PGBD5: variants seen among roughly 807,000 people sequenced by gnomAD.
PGBD5 encodes the protein piggyBac transposable element derived 5.
Under a neutral mutation model 47.9 loss-of-function variants are expected in PGBD5, and 14 were observed. That is an observed-to-expected ratio of 0.29 (90% confidence interval 0.19 to 0.46). The LOEUF (loss-of-function observed/expected upper bound fraction) is 0.46. Among genes scored for constraint, PGBD5 ranks in the 20% least tolerant of loss-of-function variants. The probability of loss-of-function intolerance (pLI) is 1.00; values close to 1 mark genes in which losing one functional copy is unlikely to be tolerated. For missense variants in PGBD5, 635 were observed against 716.0 expected (o/e 0.89, Z 1.29); for synonymous variants, 316 against 306.3 (o/e 1.03, Z -0.33).
Position 230,426,222 on chromosome 1 carries a change from G to GCGCCGCCGCCGC in PGBD5, c.-306_-295dup, listed in dbSNP as rs1238385909. On this transcript the variant is annotated 5_prime_UTR_variant, in exon 1 of 7. Transcript: ENST00000391860. ...ACGCAGAGGCTGCGGCCGAGACCAG[G>GCGCCGCCGCCGC]CGCCGCCGCCGCCACCGCCGCCACC... 1 of 149,458 alleles carries GCGCCGCCGCCGC rather than the reference G, an allele frequency of 6.7e-6. No homozygotes were observed. Among genetic ancestry groups the GCGCCGCCGCCGC allele is most frequent in the Non-Finnish European group, 1.5e-5 (1 of 68,266 alleles). The allele number at this position is 149,458 out of a possible 1,614,324, so 9.3% of individuals were successfully genotyped here.
intron 1 of PGBD5, among the ~76,000 whole-genome samples, chr1:230,414,180 T>C (rs1657469114): frequency 6.6e-6 from 1 of 152,078 alleles, no homozygotes; most frequent in South Asian, 2.1e-4. Flanking sequence ...TATAATCCCA[T>C]CTGGTGCCTG....
At chr1:230,370,174 G>A (rs1571845121) in intron 1 of PGBD5, among the ~76,000 whole-genome samples, 1 of 152,206 alleles carries the variant, frequency 6.6e-6, no homozygotes, top group African/African-American at 2.4e-5. Context: ...TTCCCCTCCA[G>A]CCACTGCAGT....
At chr1:230,368,911 C>CACACAGTCTCAGGGAT (rs1667885424) in intron 1 of PGBD5, among the ~76,000 whole-genome samples, 1 of 152,260 alleles carries the variant, frequency 6.6e-6, no homozygotes, top group South Asian at 2.1e-4. Flanking sequence ...TGAGGTTCAA[C>CACACAGTCTCAGGGAT]ACACAGTCTC....
At chr1:230,345,725 C>T (rs1276147521) in intron 3 of PGBD5, among the ~76,000 whole-genome samples, 1 of 152,074 alleles carries the variant, frequency 6.6e-6, no homozygotes, top group Admixed American at 6.5e-5. Context: ...CTGCAGCTCC[C>T]AGTCAGCCAG....
chr1:230,426,061 G>T lies in PGBD5; in HGVS notation c.-133C>A. 3.1e-6 allele frequency: 1 copy of T among 326,088 alleles called. No individual in the cohort carries two copies. Among genetic ancestry groups the T allele is most frequent in the Non-Finnish European group, 4.3e-6 (1 of 232,516 alleles). The allele number at this position is 326,088 out of a possible 1,614,324, so 20.2% of individuals were successfully genotyped here. On this transcript the variant is annotated 5_prime_UTR_variant, in exon 1 of 7. Transcript: ENST00000391860. ...GCACAGCGCCCGCCGCCCCGTGCCC[G>T]GCCGGCCCGCCGTCTTGGCCGCCTC...
intron 1 of PGBD5, among the ~76,000 whole-genome samples, chr1:230,416,478 C>A (rs1303388858): frequency 6.6e-6 from 1 of 152,184 alleles, no homozygotes; most frequent in Admixed American, 6.5e-5. Flanking sequence ...CCAAGGTCTC[C>A]ACACATGATA....
chr1:230,391,832 C>A (rs1049111443), intron 1 of PGBD5, among the ~76,000 whole-genome samples: 1 of 152,176 alleles, frequency 6.6e-6, no homozygotes, highest in Non-Finnish European at 1.5e-5. Flanking sequence ...CACTGATCTT[C>A]GTTAAATTCA....
In PGBD5 at chr1:230,357,084, C is replaced by T; in HGVS notation, c.569G>A (p.Ser190Asn). 1.2e-6 allele frequency: 2 copies of T among 1,614,206 alleles called. No homozygotes were observed. The highest frequency in any genetic ancestry group is 1.7e-6 in the Non-Finnish European group (2 of 1,180,048). The part of the protein sequence containing the change: ...SHCESVLSIW[S>N]GGFYSNRSLA... Reference sequence around the variant, plus strand: ...GCTGCGGTTGCTGTAGAAGCCTCCGCTCCAGATGCTGAGGACGGACTCGCA... The same window carrying T: ...GCTGCGGTTGCTGTAGAAGCCTCCGTTCCAGATGCTGAGGACGGACTCGCA... The change falls in exon 2 of 7, where the codon AGC becomes AAC. Residue 190 changes from serine to asparagine, a missense_variant. Transcript: ENST00000391860. The surrounding 1 kb of genome is among the most constrained non-coding windows in gnomAD (Gnocchi z 5.7).
chr1:230,397,889 G>C (rs150367362), intron 1 of PGBD5, among the ~76,000 whole-genome samples: 20 of 152,300 alleles, frequency 1.3e-4, no homozygotes, highest in African/African-American at 4.3e-4. Context: ...GCTGGCTTTG[G>C]GGGTAGCGTC....
At chr1:230,423,898 C>G (rs981204640) in intron 1 of PGBD5, among the ~76,000 whole-genome samples, 1 of 152,160 alleles carries the variant, frequency 6.6e-6, no homozygotes, top group Non-Finnish European at 1.5e-5. Flanking sequence ...TCTTCATGAC[C>G]GTAAGTGCTG....
rs1657764595 is a variant in PGBD5 at position 230,425,765 on chromosome 1, G to A, written c.164C>T (p.Ser55Phe). Residue 55 changes from serine (S) to phenylalanine (F), a missense_variant, in exon 1 of 7, where the codon TCC becomes TTC. Ser to Phe is a radical substitution (Grantham distance 155, BLOSUM62 -2). Transcript: ENST00000391860. This position sits in a 1 kb window ranked among gnomAD's most constrained non-coding sequence, Gnocchi z 4.7. Reference protein sequence around the residue: ...FYSTSAASRSSSAASSDDERE... With the variant: ...FYSTSAASRSFSAASSDDERE... ...CTCGTCGTCCGAGGAGGCGGCCGAG[G>A]AGGAGCGCGAGGCGGCCGAGGTGCT... The A allele has an allele frequency of 5.0e-6, 6 of 1,207,444 alleles. No individual in the cohort carries two copies. Among genetic ancestry groups the A allele is most frequent in the Non-Finnish European group, 5.2e-6 (5 of 970,558 alleles). 74.8% of individuals were successfully genotyped at this position (1,207,444 alleles called of 1,614,324 possible).
chr1:230,337,359 G>T, intron 3 of PGBD5, 71 bp from the exon 4 acceptor site: 1 of 1,380,716 alleles, frequency 7.2e-7, no homozygotes, highest in Non-Finnish European at 9.7e-7. Context: ...TATTCAGCAA[G>T]CACAGATCTC....
intron 1 of PGBD5, chr1:230,377,705 T>C (rs1668035884): frequency 6.9e-7 from 1 of 1,441,164 alleles, no homozygotes; most frequent in African/African-American, 1.4e-5. Context: ...TGGCAAAGAT[T>C]AGAGTATCCA....
In PGBD5 at chr1:230,323,232, C is replaced by T. The variant is rs1303367996; in HGVS notation, c.*193G>A. On this transcript the variant is annotated 3_prime_UTR_variant, in exon 7 of 7. Coordinates refer to ENST00000391860, the MANE Select transcript of PGBD5 (RefSeq NM_001258311.2). The surrounding 1 kb of genome is among the most constrained non-coding windows in gnomAD (Gnocchi z 4.1). ...ACTGTTTCTCGAGGGAGGACATGCT[C>T]TTCTTGGAATGCAAATGAGGACAGC... 1.6e-5 allele frequency: 10 copies of T among 610,672 alleles called. No homozygotes were observed. Among genetic ancestry groups the T allele is most frequent in the South Asian group, 6.7e-5 (3 of 44,786 alleles). The allele number at this position is 610,672 out of a possible 1,614,324, so 37.8% of individuals were successfully genotyped here. A position where few individuals can be genotyped will look rare whatever the true frequency, so the allele number is the denominator to read the frequency against.
intron 1 of PGBD5, among the ~76,000 whole-genome samples, chr1:230,416,968 C>T (rs1037843648): frequency 3.9e-5 from 6 of 152,152 alleles, no homozygotes; most frequent in Non-Finnish European, 8.8e-5. Flanking sequence ...GTCTTGGCTA[C>T]GGTTGGCAGC....
At chr1:230,338,009 A>G (rs1667352961) in intron 3 of PGBD5, among the ~76,000 whole-genome samples, 1 of 152,222 alleles carries the variant, frequency 6.6e-6, no homozygotes, top group Admixed American at 6.5e-5. Flanking sequence ...TATCTTAAAC[A>G]AACAAAACAC....
At chr1:230,408,008 G>C (rs1657333580) in intron 1 of PGBD5, among the ~76,000 whole-genome samples, 1 of 152,172 alleles carries the variant, frequency 6.6e-6, no homozygotes, top group Non-Finnish European at 1.5e-5. Context: ...AGCTACTGCT[G>C]GAGAGAATGG....
At chr1:230,340,643 C>T (rs1026746618) in intron 3 of PGBD5, among the ~76,000 whole-genome samples, 6 of 151,892 alleles carry the variant, frequency 4.0e-5, no homozygotes, top group Non-Finnish European at 7.4e-5. Context: ...TCAGGATTAC[C>T]CAAGCATAAG....
At chr1:230,344,995 CATCT>C (rs1320425388) in intron 3 of PGBD5, among the ~76,000 whole-genome samples, 1 of 152,190 alleles carries the variant, frequency 6.6e-6, no homozygotes, top group Non-Finnish European at 1.5e-5. Context: ...AGTGTTCATC[CATCT>C]GTCAACATCC....
Sources: gnomAD v4.1 joint callset for allele counts (sites outside exome capture counted in the v4.1 genomes callset) on GRCh38, gnomAD v4.1.1 for gene constraint, Gnocchi (gnomAD v3.1) non-coding constraint, MANE v1.5 for transcripts, NCBI Gene and HGNC (gene_info 2026-07-23, HGNC 2026-07-21) for gene names.